CCDC141: variants seen among roughly 807,000 people sequenced by gnomAD.
CCDC141 encodes the protein coiled-coil domain containing 141.
In CCDC141, 168 loss-of-function variants were observed where a neutral mutation model predicts 181.0. That is an observed-to-expected ratio of 0.93 (90% CI 0.82 to 1.05). The LOEUF is 1.05. CCDC141 is among the 50% of genes least tolerant of loss of function. The pLI is 0.00. For missense variants in CCDC141, 1,902 were observed against 1,788.5 expected (o/e 1.06, Z -1.14); for synonymous variants, 666 against 642.3 (o/e 1.04, Z -0.56).
chr2:178,966,210 C>G (rs1291584211), intron 4 of CCDC141, among the ~76,000 whole-genome samples: 1 of 152,212 alleles, frequency 6.6e-6, no homozygotes, highest in Non-Finnish European at 1.5e-5. Flanking sequence ...CTTGAACATC[C>G]CTGCCTGACA....
chr2:178,974,986 C>T (rs1416185974), intron 4 of CCDC141, 71 bp downstream of exon 4: 2 of 691,508 alleles, frequency 2.9e-6, no homozygotes, highest in Non-Finnish European at 4.7e-6. Flanking sequence ...CACTATCATA[C>T]ATAAGCATTC....
At chr2:179,037,445 T>C (rs746441141) in intron 2 of CCDC141, among the ~76,000 whole-genome samples, 22 of 152,242 alleles carry the variant, frequency 1.4e-4, no homozygotes, top group Non-Finnish European at 2.1e-4. Context: ...AAAGTGTTTC[T>C]TCACATTCAC....
At chr2:179,024,977 G>C (rs566228933) in intron 2 of CCDC141, among the ~76,000 whole-genome samples, 1 of 152,164 alleles carries the variant, frequency 6.6e-6, no homozygotes, top group South Asian at 2.1e-4. Flanking sequence ...GAATATATGA[G>C]TCCTGTGGTT....
intron 4 of CCDC141, among the ~76,000 whole-genome samples, chr2:178,968,629 A>G (rs1432872625): frequency 3.3e-5 from 5 of 152,210 alleles, no homozygotes; most frequent in Non-Finnish European, 7.3e-5. Context: ...CCCACAAAAG[A>G]AAGCAGGAAA....
chr2:178,824,274 T>C, the CCDC141 span, among the ~76,000 whole-genome samples: 1 of 152,152 alleles, frequency 6.6e-6, no homozygotes, highest in Admixed American at 6.5e-5. Flanking sequence ...CGCTAACTGA[T>C]TTAATTTTTG....
At chr2:178,885,463 A>T (rs1177118148) in intron 10 of CCDC141, among the ~76,000 whole-genome samples, 2 of 152,206 alleles carry the variant, frequency 1.3e-5, no homozygotes, top group Non-Finnish European at 2.9e-5. Flanking sequence ...TTCCTAAACT[A>T]ATTTTATTAT....
At chr2:178,895,297 C>T (rs140360279) in intron 8 of CCDC141, among the ~76,000 whole-genome samples, 104 of 152,212 alleles carry the variant, frequency 6.8e-4, no homozygotes, top group African/African-American at 2.5e-3. Flanking sequence ...ACATCTCTTC[C>T]TGTCTCTTTT....
chr2:178,939,274 C>T (rs1210833227), intron 6 of CCDC141, among the ~76,000 whole-genome samples: 2 of 152,104 alleles, frequency 1.3e-5, no homozygotes, highest in Non-Finnish European at 2.9e-5. Flanking sequence ...TTATTTTGCA[C>T]TGGGCCTCAC....
intron 12 of CCDC141, chr2:178,877,198 A>G (rs2154369715): frequency 6.6e-6 from 1 of 152,318 alleles, no homozygotes; most frequent in East Asian, 1.9e-4. Context: ...TGCTGCAGAA[A>G]AAACTCAGAC....
At chr2:178,875,514 G>A (rs1226621913) in intron 12 of CCDC141, 1 of 151,786 alleles carries the variant, frequency 6.6e-6, no homozygotes, top group Non-Finnish European at 1.5e-5. Context: ...AAAGGGAGCT[G>A]AGATCGCACC....
intron 4 of CCDC141, among the ~76,000 whole-genome samples, chr2:178,967,349 G>A (rs918215634): frequency 6.6e-6 from 1 of 152,198 alleles, no homozygotes; most frequent in Non-Finnish European, 1.5e-5. Context: ...AGGGCAGCCA[G>A]AGAGAAAGGT....
At chr2:178,859,624 A>T (rs1249054770) in intron 17 of CCDC141, among the ~76,000 whole-genome samples, 3 of 152,196 alleles carry the variant, frequency 2.0e-5, no homozygotes, top group African/African-American at 7.2e-5. Flanking sequence ...TATATTTTTA[A>T]TGAATAATTT....
In CCDC141 at chr2:178,884,797, G is replaced by A. The variant is rs551671918; in HGVS notation, c.1719+104C>T. Reference sequence around the variant, plus strand: ...ATAAGTGAGCCCACGCACAGGGGTAGAGGATATGGACCTACCCACCAAGGC... The same window carrying A: ...ATAAGTGAGCCCACGCACAGGGGTAAAGGATATGGACCTACCCACCAAGGC... On this transcript the variant is annotated intron_variant, in intron 11 of 23. Transcript: ENST00000443758. The A allele has an allele frequency of 1.2e-4, 97 of 809,274 alleles. 1 individual carries two copies. In the East Asian group the frequency reaches 2.3e-3, roughly 19 times the overall value. 50.1% of individuals were successfully genotyped at this position (809,274 alleles called of 1,614,324 possible).
intron 8 of CCDC141, among the ~76,000 whole-genome samples, chr2:178,893,063 C>A (rs1019079611): frequency 6.6e-6 from 1 of 152,082 alleles, no homozygotes; most frequent in African/African-American, 2.4e-5. Context: ...TGTGAACATG[C>A]GGTAGATCAG....
chr2:178,962,826 T>C (rs1368270425), intron 4 of CCDC141, among the ~76,000 whole-genome samples: 1 of 152,102 alleles, frequency 6.6e-6, no homozygotes, highest in Admixed American at 6.6e-5. Flanking sequence ...CACTTTTCAT[T>C]CTTATCTTCT....
intron 23 of CCDC141, 61 bp downstream of exon 23, chr2:178,836,833 A>C: frequency 5.2e-6 from 8 of 1,538,620 alleles, no homozygotes; most frequent in Non-Finnish European, 7.0e-6. Context: ...TGCTCACAGA[A>C]TGATTTTTCT....
intron 2 of CCDC141, among the ~76,000 whole-genome samples, chr2:179,042,460 G>T (rs2043337878): frequency 6.6e-6 from 1 of 152,114 alleles, no homozygotes; most frequent in Non-Finnish European, 1.5e-5. Context: ...AAATTCTCCT[G>T]CCTCAGCTTC....
Position 178,881,913 on chromosome 2 carries a change from T to A in CCDC141, c.1719+2988A>T, listed in dbSNP as rs868711822. Among the ~76,000 whole-genome samples the A allele has an allele frequency of 2.4e-3, 269 of 110,966 alleles. 2 individuals carry two copies. The highest frequency in any genetic ancestry group is 4.9e-3 in the Middle Eastern group (1 of 206). The allele number at this position is 110,966 out of a possible 152,430, so 72.8% of individuals were successfully genotyped here. On this transcript the variant is annotated intron_variant, in intron 11 of 23. Coordinates refer to ENST00000443758, the MANE Select transcript of CCDC141 (RefSeq NM_173648.4). ...CTGTCTCTCTCTCTCTCTCTCTCTC[T>A]CTCACACACACACACACACACACAC... is the stretch of plus-strand genomic sequence containing the variant.
chr2:178,865,673 G>T, intron 17 of CCDC141, 94 bp downstream of exon 17: 1 of 1,171,956 alleles, frequency 8.5e-7, no homozygotes. Flanking sequence ...TTGCATGTGT[G>T]TGGGAGTGTG....
Sources: gnomAD v4.1 joint callset for allele counts (sites outside exome capture counted in the v4.1 genomes callset) on GRCh38, gnomAD v4.1.1 for gene constraint, MANE v1.5 for transcripts, NCBI Gene and HGNC (gene_info 2026-07-23, HGNC 2026-07-21) for gene names.